Variants in RXRA observed in about 807,000 individuals in gnomAD.
RXRA encodes the protein retinoic acid receptor RXR-alpha.
Under a neutral mutation model 44.5 loss-of-function variants are expected in RXRA, and 5 were observed. The ratio of observed to expected loss-of-function variants is 0.11; its 90% CI spans 0.06 to 0.24. RXRA has a LOEUF of 0.24. Ranked by LOEUF, RXRA falls within the 10% of genes least tolerant of loss-of-function variation. The probability of loss-of-function intolerance (pLI) is 1.00; values close to 1 mark genes in which losing one functional copy is unlikely to be tolerated. For missense variants in RXRA, 412 were observed against 646.5 expected, an observed-to-expected ratio of 0.64 and a Z score of 3.93; for synonymous variants, 291 against 271.4, an observed-to-expected ratio of 1.07 and a Z score of -0.71.
chr9:134,331,078 G>GTATATCCCTA (rs1434090472), intron 1 of RXRA, among the ~76,000 whole-genome samples: 1 of 152,212 alleles, frequency 6.6e-6, no homozygotes, highest in African/African-American at 2.4e-5. Context: ...GGACACTGAG[G>GTATATCCCTA]TAGCCCTTTC....
At chr9:134,429,280 C>T (rs914651446) in intron 7 of RXRA, 40 bp downstream of exon 7, 1 of 1,596,018 alleles carries the variant, frequency 6.3e-7, no homozygotes, top group Non-Finnish European at 8.5e-7. Flanking sequence ...GCTTCGGTCA[C>T]CTCCGCCACC....
Position 134,417,204 on chromosome 9 carries a change from G to A in RXRA, c.657G>A (p.Glu219=), listed in dbSNP as rs1314735680. The change falls in exon 5 of 10, where the codon GAG becomes GAA. Residue 219 remains glutamate (E), a synonymous_variant. Coordinates refer to ENST00000481739, the MANE Select transcript of RXRA (RefSeq NM_002957.6). The surrounding 1 kb of genome is among the most constrained non-coding windows in gnomAD (Gnocchi z 6.1). ...RQRGKDRNEN[E]VESTSSANED... is the part of the protein sequence containing the mutation. ...GTGGCAAGGACCGGAACGAGAATGAGGTGGAGTCGACCAGCAGCGCCAACG... is the reference window on the plus strand; with the variant it reads ...GTGGCAAGGACCGGAACGAGAATGAAGTGGAGTCGACCAGCAGCGCCAACG... 3 of 1,613,556 alleles carry A rather than the reference G, an allele frequency of 1.9e-6. No individual in the cohort carries two copies. Among genetic ancestry groups the A allele is most frequent in the Non-Finnish European group, 2.5e-6 (3 of 1,179,974 alleles).
chr9:134,390,453 G>A (rs1830783348), intron 1 of RXRA, among the ~76,000 whole-genome samples: 1 of 152,234 alleles, frequency 6.6e-6, no homozygotes, highest in African/African-American at 2.4e-5. Flanking sequence ...TACACAGCAG[G>A]CACGGCAGCC....
At position 134,433,025 on chromosome 9, in the gene RXRA, C is replaced by T; in HGVS notation, c.1135+1029C>T. On this transcript the variant is annotated intron_variant, in intron 8 of 9. Transcript: ENST00000481739. The surrounding 1 kb of genome is among the most constrained non-coding windows in gnomAD (Gnocchi z 4.2). ...AGAGGTTTGGGGCTGCTGTGGGGAGCTCACTTGGGCTATGGTGGAGGGAGT... is the reference window on the plus strand; with the variant it reads ...AGAGGTTTGGGGCTGCTGTGGGGAGTTCACTTGGGCTATGGTGGAGGGAGT... Among the ~76,000 whole-genome samples, 1 of 152,058 alleles carries T rather than the reference C, an allele frequency of 6.6e-6. No homozygotes were observed. The highest frequency in any genetic ancestry group is 2.1e-4 in the South Asian group (1 of 4,826).
At chr9:134,394,402 C>T (rs967587033) in intron 1 of RXRA, among the ~76,000 whole-genome samples, 1 of 152,074 alleles carries the variant, frequency 6.6e-6, no homozygotes, top group Non-Finnish European at 1.5e-5. Context: ...GAGCCTGTCT[C>T]CATGAAGGGC....
At position 134,437,789 on chromosome 9, in the gene RXRA, G is replaced by A. The variant is rs1308013648; in HGVS notation, c.*1175G>A. On this transcript the variant is annotated 3_prime_UTR_variant, in exon 10 of 10. Transcript: ENST00000481739. ...AAAGACTCTTGGAATCTGAGAACCC[G>A]GAGTCGCAGCGCCCTCGGGCCTGGG... 1.3e-5 allele frequency: 2 copies of A among 152,368 alleles called. No individual in the cohort carries two copies. Among genetic ancestry groups the A allele is most frequent in the Non-Finnish European group, 2.9e-5 (2 of 68,158 alleles). The allele number at this position is 152,368 out of a possible 1,614,324, so 9.4% of individuals were successfully genotyped here. A position where few individuals can be genotyped will look rare whatever the true frequency, so the allele number is the denominator to read the frequency against.
At position 134,341,670 on chromosome 9, in the gene RXRA, C is replaced by T. The variant is rs77317147; in HGVS notation, c.28+15011C>T. Among the ~76,000 whole-genome samples the T allele has an allele frequency of 4.0e-3, 603 of 152,280 alleles. 1 individual carries two copies. Among genetic ancestry groups the T allele is most frequent in the African/African-American group, 0.014 (574 of 41,556 alleles). ...AGCTTGGCCGGCACACACCTGGTGG[C>T]AGAGCTCCTCTCTTTCTGGGAGCTC... is the stretch of plus-strand genomic sequence containing the variant. On this transcript the variant is annotated intron_variant, in intron 1 of 9. Transcript: ENST00000481739.
chr9:134,396,020 G>A (rs934435416), intron 1 of RXRA, among the ~76,000 whole-genome samples: 2 of 152,202 alleles, frequency 1.3e-5, no homozygotes, highest in Admixed American at 6.5e-5. Flanking sequence ...CAGATGTGCA[G>A]CAGGTACGGA....
intron 1 of RXRA, chr9:134,379,302 C>G (rs1830604142): frequency 1.0e-6 from 1 of 986,806 alleles, no homozygotes; most frequent in Admixed American, 6.1e-5. Context: ...GGCACAGATG[C>G]CCTGTGCATG....
At chr9:134,352,032 C>T (rs1455077689) in intron 1 of RXRA, among the ~76,000 whole-genome samples, 1 of 152,188 alleles carries the variant, frequency 6.6e-6, no homozygotes, top group African/African-American at 2.4e-5. Flanking sequence ...GTGCTGGAGC[C>T]AGAGGGCGGC....
intron 1 of RXRA, among the ~76,000 whole-genome samples, chr9:134,385,357 C>T (rs1043250701): frequency 6.6e-6 from 1 of 152,202 alleles, no homozygotes; most frequent in Non-Finnish European, 1.5e-5. Flanking sequence ...CCATGAAGGC[C>T]CCTTCCCCCG....
At chr9:134,415,262 GC>G (rs1474967095) in intron 4 of RXRA, among the ~76,000 whole-genome samples, 1 of 152,186 alleles carries the variant, frequency 6.6e-6, no homozygotes, top group African/African-American at 2.4e-5. Flanking sequence ...AGCTGTGGCG[GC>G]ATGAAGGGAA....
intron 6 of RXRA, 61 bp from the exon 7 acceptor site, chr9:134,429,047 G>C (rs1831484235): frequency 6.3e-7 from 1 of 1,597,844 alleles, no homozygotes; most frequent in South Asian, 1.1e-5. Flanking sequence ...CCAGGGGCTG[G>C]GGAAGGGGCG....
At chr9:134,391,954 T>C (rs1345689467) in intron 1 of RXRA, among the ~76,000 whole-genome samples, 2 of 152,186 alleles carry the variant, frequency 1.3e-5, no homozygotes, top group East Asian at 1.9e-4. Context: ...TGTAATGAAA[T>C]GTTGGCCTGG....
At chr9:134,419,033 GGGGGCT>G (rs1363531638) in intron 5 of RXRA, among the ~76,000 whole-genome samples, 2 of 152,176 alleles carry the variant, frequency 1.3e-5, no homozygotes, top group African/African-American at 4.8e-5. Flanking sequence ...TACTCTGGCT[GGGGGCT>G]GGGGCTGCCC....
rs917756070 is a variant in RXRA, at chr9:134,407,839, C to T, written c.280-310C>T. On this transcript the variant is annotated intron_variant, in intron 2 of 9. Transcript: ENST00000481739. The surrounding 1 kb of genome is among the most constrained non-coding windows in gnomAD (Gnocchi z 4.8). ...AGGCAGCTCTCATTTAGGTGGGCAG[C>T]GGGCAGGGGGTTGCAAGCAGGGACC... Among the ~76,000 whole-genome samples, 6 of 151,770 alleles carry T rather than the reference C, an allele frequency of 4.0e-5. No homozygotes were observed. The East Asian group carries it at 5.8e-4, about 15-fold the overall frequency.
At chr9:134,360,071 C>G (rs749486762) in intron 1 of RXRA, among the ~76,000 whole-genome samples, 15 of 152,314 alleles carry the variant, frequency 9.8e-5, no homozygotes, top group Admixed American at 3.9e-4. Context: ...GTGGGCCCAC[C>G]CGGCACAGAT....
chr9:134,384,065 C>G (rs1385724323), intron 1 of RXRA, among the ~76,000 whole-genome samples: 1 of 152,160 alleles, frequency 6.6e-6, no homozygotes, highest in African/African-American at 2.4e-5. Flanking sequence ...CCCAGACCCT[C>G]CACACTGTCA....
At position 134,361,712 on chromosome 9, in the gene RXRA, C is replaced by T. The variant is rs117448836; in HGVS notation, c.28+35053C>T. ...GGCTCTGATTAACATCGGAGGGACT[C>T]TGAGCTTCCGTGTTTGGGAGCAGGC... is the stretch of plus-strand genomic sequence containing the variant. On this transcript the variant is annotated intron_variant, in intron 1 of 9. Transcript: ENST00000481739. Among the ~76,000 whole-genome samples, 336 of 152,352 alleles carry T rather than the reference C, an allele frequency of 2.2e-3. 1 individual carries two copies. The highest frequency in any genetic ancestry group is 3.7e-3 in the Non-Finnish European group (252 of 68,026).
Sources: gnomAD v4.1 joint callset for allele counts (sites outside exome capture counted in the v4.1 genomes callset) on GRCh38, gnomAD v4.1.1 for gene constraint, Gnocchi (gnomAD v3.1) non-coding constraint, MANE v1.5 for transcripts, NCBI Gene and HGNC (gene_info 2026-07-23, HGNC 2026-07-21) for gene names.